Variants in LLGL1 observed in about 807,000 individuals in gnomAD.
LLGL1 encodes the protein LLGL scribble cell polarity complex component 1.
LLGL1 carries 58 observed loss-of-function variants against 110.6 expected under a neutral mutation model. The observed-to-expected ratio is 0.52, with a 90% CI of 0.42 to 0.65. The LOEUF is 0.65. Among genes scored for constraint, LLGL1 ranks in the 30% least tolerant of loss-of-function variants. LLGL1 has a pLI of 0.00. For missense variants in LLGL1, 1,229 were observed against 1,462.1 expected (o/e 0.84, Z 2.60); for synonymous variants, 674 against 607.2 (o/e 1.11, Z -1.62).
At chr17:18,226,045 T>G (rs1239597894) in intron 1 of LLGL1, among the ~76,000 whole-genome samples, 1 of 151,960 alleles carries the variant, frequency 6.6e-6, no homozygotes, top group Non-Finnish European at 1.5e-5. Flanking sequence ...TGGGGGTCTG[T>G]CTCTGAGACT....
At chr17:18,229,427 T>C (rs573427945) in intron 1 of LLGL1, among the ~76,000 whole-genome samples, 3 of 152,306 alleles carry the variant, frequency 2.0e-5, no homozygotes, top group African/African-American at 7.2e-5. Context: ...TCTGCCTAGC[T>C]GATCCTGGAT....
rs1266883044 is a variant in LLGL1 at position 18,240,084 on chromosome 17, G to A, written c.2207-494G>A. On this transcript the variant is annotated intron_variant, in intron 16 of 22. Transcript: ENST00000316843. This position sits in a 1 kb window ranked among gnomAD's most constrained non-coding sequence, Gnocchi z 5.3. ...CTTGGCGGCTTCCTCTGGCTGCCAC[G>A]TAGGGAGCACACTGAAGACAGTGGG... Among the ~76,000 whole-genome samples the A allele has an allele frequency of 2.0e-5, 3 of 152,086 alleles. No homozygotes were observed. The highest frequency in any genetic ancestry group is 2.9e-5 in the Non-Finnish European group (2 of 67,992).
At chr17:18,239,412 A>G (rs996750228) in intron 16 of LLGL1, among the ~76,000 whole-genome samples, 2 of 152,128 alleles carry the variant, frequency 1.3e-5, no homozygotes, top group Admixed American at 1.3e-4. Flanking sequence ...AACATACACA[A>G]AAATAGAGAG....
chr17:18,242,333 G>T, intron 20 of LLGL1, 55 bp downstream of exon 20: 2 of 1,568,978 alleles, frequency 1.3e-6, no homozygotes, highest in Non-Finnish European at 8.8e-7. Context: ...CCTGGGGGAG[G>T]GAGTCGGGAC....
chr17:18,233,772 C>G lies in LLGL1; in HGVS notation c.393-6C>G. The G allele has an allele frequency of 1.2e-6, 2 of 1,611,284 alleles. No individual in the cohort carries two copies. The highest frequency in any genetic ancestry group is 1.7e-6 in the Non-Finnish European group (2 of 1,178,128). On this transcript the variant is annotated splice_region_variant and splice_polypyrimidine_tract_variant and intron_variant, in intron 4 of 22. Coordinates refer to ENST00000316843, the MANE Select transcript of LLGL1 (RefSeq NM_004140.4). ...ACCCTCACTCCCTTCCCCTTGTTCC[C>G]TGCAGTGCTCCGCTCAGCCTTACCC... is the stretch of plus-strand genomic sequence containing the variant.
chr17:18,241,375 C>A, intron 17 of LLGL1, 76 bp from the exon 18 acceptor site: 3 of 1,520,256 alleles, frequency 2.0e-6, no homozygotes, highest in Non-Finnish European at 2.6e-6. Context: ...GCTGTTGGGT[C>A]AGCAGCCACG....
intron 22 of LLGL1, 43 bp downstream of exon 22, chr17:18,242,865 C>A (rs546941066): frequency 6.7e-7 from 1 of 1,500,854 alleles, no homozygotes; most frequent in South Asian, 1.3e-5. Flanking sequence ...CTGGTGACGT[C>A]CACCCCCTTC....
rs1180516758 is a variant in LLGL1 at position 18,230,004 on chromosome 17, A to G, written c.145A>G (p.Met49Val). 1.2e-6 allele frequency: 2 copies of G among 1,612,116 alleles called. No homozygotes were observed. Among genetic ancestry groups the G allele is most frequent in the Admixed American group, 1.7e-5 (1 of 59,964 alleles). Residue 49 changes from methionine (M) to valine (V), a missense_variant, in exon 2 of 23, where the codon ATG becomes GTG. Coordinates refer to ENST00000316843, the MANE Select transcript of LLGL1 (RefSeq NM_004140.4). ...GGCCTTCGACCCGGAACTTCGCATC[A>G]TGGCCATCGGCACCAGGTCTGGGGC... The part of the protein sequence containing the change: ...ALAFDPELRI[M>V]AIGTRSGAVK...
Position 18,240,808 on chromosome 17 carries a change from C to G in LLGL1, c.2437C>G (p.Leu813Val). 1 of 1,580,602 alleles carries G rather than the reference C, an allele frequency of 6.3e-7. No individual in the cohort carries two copies. Among genetic ancestry groups the G allele is most frequent in the South Asian group, 1.1e-5 (1 of 88,476 alleles). Residue 813 changes from leucine to valine, a missense_variant, in exon 17 of 23, where the codon CTG becomes GTG. By Grantham distance (32) the Leu-to-Val change is conservative. Coordinates refer to ENST00000316843, the MANE Select transcript of LLGL1 (RefSeq NM_004140.4). This position sits in a 1 kb window ranked among gnomAD's most constrained non-coding sequence, Gnocchi z 5.3. ...LPEPYEASRD[L>V]AQAPDMQGGH... ...CGAGCCCTACGAGGCCTCACGGGAC[C>G]TGGCGCAGGCACCTGACATGCAGGG...
At chr17:18,230,380 C>T (rs2047540944) in intron 2 of LLGL1, among the ~76,000 whole-genome samples, 1 of 152,168 alleles carries the variant, frequency 6.6e-6, no homozygotes, top group Non-Finnish European at 1.5e-5. Context: ...CTATGATACC[C>T]ATGGAGGGTG....
At chr17:18,239,971 C>CT (rs2047790392) in intron 16 of LLGL1, among the ~76,000 whole-genome samples, 1 of 152,078 alleles carries the variant, frequency 6.6e-6, no homozygotes, top group Non-Finnish European at 1.5e-5. Context: ...GGGCTGGGCT[C>CT]TGATTCTCCA....
chr17:18,235,664 C>T, intron 11 of LLGL1, 127 bp downstream of exon 11: 1 of 878,474 alleles, frequency 1.1e-6, no homozygotes, highest in Middle Eastern at 3.5e-4. Flanking sequence ...GGTAGTTCCT[C>T]CTTGCCCAAG....
At chr17:18,241,131 A>C (rs777500677) in intron 17 of LLGL1, 5 of 588,766 alleles carry the variant, frequency 8.5e-6, no homozygotes, top group Non-Finnish European at 1.5e-5. Flanking sequence ...AGGCTCCTGT[A>C]CTGGGCCCAG....
chr17:18,241,923 T>C lies in LLGL1; in HGVS notation c.2806T>C (p.Ser936Pro). The C allele has an allele frequency of 6.2e-7, 1 of 1,614,086 alleles. No individual in the cohort carries two copies. Among genetic ancestry groups the C allele is most frequent in the Non-Finnish European group, 8.5e-7 (1 of 1,179,968 alleles). Residue 936 changes from serine to proline, a missense_variant, in exon 19 of 23, where the codon TCC becomes CCC. Coordinates refer to ENST00000316843, the MANE Select transcript of LLGL1 (RefSeq NM_004140.4). ...LISPSEFERF[S>P]LSARNITEPL... ...ATCCCCATCAGAATTTGAACGCTTC[T>C]CCCTAAGTGCCCGGAACATCACAGA...
chr17:18,243,527 C>T (rs2047902208), intron 22 of LLGL1, among the ~76,000 whole-genome samples: 1 of 152,234 alleles, frequency 6.6e-6, no homozygotes, highest in African/African-American at 2.4e-5. Context: ...ATCGGTTGGG[C>T]CCAGCAAGTG....
At chr17:18,237,845 C>T (rs1178493121) in intron 14 of LLGL1, 72 bp downstream of exon 14, 2 of 1,503,906 alleles carry the variant, frequency 1.3e-6, no homozygotes, top group Admixed American at 1.9e-5. Context: ...GTTTCCACCT[C>T]TAGTGTTTGG....
intron 2 of LLGL1, among the ~76,000 whole-genome samples, chr17:18,232,218 T>C (rs2047586272): frequency 6.6e-6 from 1 of 152,208 alleles, no homozygotes; most frequent in Non-Finnish European, 1.5e-5. Flanking sequence ...TCCTGTAAAG[T>C]GGGAGTCACT....
chr17:18,228,727 C>A (rs188625037), intron 1 of LLGL1, among the ~76,000 whole-genome samples: 2 of 152,252 alleles, frequency 1.3e-5, no homozygotes, highest in East Asian at 3.9e-4. Context: ...AGGTCAGGTG[C>A]AGCAAGGGCG....
rs576744666 is a variant in LLGL1 at position 18,232,535 on chromosome 17, G to A, written c.220G>A (p.Asp74Asn). The change falls in exon 3 of 23, where the codon GAT becomes AAT. Residue 74 changes from aspartate (D) to asparagine (N), a missense_variant. Physicochemically the swap from Asp to Asn is conservative, Grantham distance 23. Transcript: ENST00000316843. ...CGTGGAGTTCACAGGCCTGCACCGG[G>A]ATGCAGCCACTGTCACACAGATGCA... ...PGVEFTGLHR[D>N]AATVTQMHFL... The A allele has an allele frequency of 6.4e-5, 103 of 1,613,996 alleles. No homozygotes were observed. The highest frequency in any genetic ancestry group is 8.3e-5 in the Admixed American group (5 of 60,002).
Sources: allele counts gnomAD v4.1 joint callset (sites outside exome capture counted in the v4.1 genomes callset), GRCh38; gene constraint gnomAD v4.1.1; non-coding constraint Gnocchi (gnomAD v3.1); transcripts MANE v1.5; gene names NCBI Gene and HGNC (gene_info 2026-07-23, HGNC 2026-07-21).